NCOR1: variants seen among roughly 807,000 people sequenced by gnomAD.
The protein encoded by NCOR1 is protein phosphatase 1, regulatory subunit 109.
In NCOR1, 63 loss-of-function variants were observed where a neutral mutation model predicts 288.1. That is an observed-to-expected ratio of 0.22 (90% CI 0.18 to 0.27). The LOEUF (loss-of-function observed/expected upper bound fraction) is 0.27. Ranked by LOEUF, NCOR1 falls within the 10% of genes least tolerant of loss-of-function variation. NCOR1 has a pLI of 1.00. For missense variants in NCOR1, 2,397 were observed against 3,019.2 expected, an observed-to-expected ratio of 0.79 and a Z score of 4.83; for synonymous variants, 1,007 against 1,065.9, an observed-to-expected ratio of 0.94 and a Z score of 1.08.
chr17:16,106,870 TATATATATATATA>T (rs1434242169), intron 19 of NCOR1, among the ~76,000 whole-genome samples: 2 of 52,882 alleles, frequency 3.8e-5, no homozygotes, highest in African/African-American at 9.5e-5. Flanking sequence ...TATATATATA[TATATATATATATA>T]TTTTTTTTTT....
rs2061607471 is a variant in NCOR1 at position 16,070,364 on chromosome 17, C to T, written c.4314G>A (p.Val1438=). 6.2e-7 allele frequency: 1 copy of T among 1,614,058 alleles called. No homozygotes were observed. Residue 1438 remains valine, a synonymous_variant, in exon 31 of 46, where the codon GTG becomes GTA. Coordinates refer to ENST00000268712, the MANE Select transcript of NCOR1 (RefSeq NM_006311.4). ...GGGAACGCACGGTCTCGCCTGCTTT[C>T]ACATCCTCATATTTTCCCCGTTCTA... The part of the protein sequence containing the change: ...KVVERGKYED[V]KAGETVRSRH...
chr17:16,131,650 T>C (rs1189745819), intron 14 of NCOR1, among the ~76,000 whole-genome samples: 1 of 152,192 alleles, frequency 6.6e-6, no homozygotes. Flanking sequence ...TCTTTAAAAA[T>C]ATACTTCGGG....
chr17:16,162,035 C>T (rs1228924151), intron 5 of NCOR1, among the ~76,000 whole-genome samples: 2 of 151,818 alleles, frequency 1.3e-5, no homozygotes, highest in Non-Finnish European at 2.9e-5. Context: ...CCAGTAAAGA[C>T]TTAATTAGAA....
rs1342416395 is a variant in NCOR1 at position 16,039,575 on chromosome 17, G to C, written c.6813C>G (p.Leu2271=). 1.2e-6 allele frequency: 2 copies of C among 1,614,162 alleles called. No homozygotes were observed. Among genetic ancestry groups the C allele is most frequent in the Non-Finnish European group, 1.7e-6 (2 of 1,180,024 alleles). Residue 2271 remains leucine, a synonymous_variant, in exon 44 of 46, where the codon CTC becomes CTG. Coordinates refer to ENST00000268712, the MANE Select transcript of NCOR1 (RefSeq NM_006311.4). ...LGLEDIIRKA[L]MGSFDDKVED... Reference sequence around the variant, plus strand: ...CAACTTTGTCATCAAAGCTTCCCATGAGAGCCTTCCTGATAATGTCTTCCA... The same window carrying C: ...CAACTTTGTCATCAAAGCTTCCCATCAGAGCCTTCCTGATAATGTCTTCCA...
In NCOR1 at chr17:16,104,616, T is replaced by TA. The variant is rs1316629777; in HGVS notation, c.2183-2860dup. Among the ~76,000 whole-genome samples, 5 of 151,982 alleles carry TA rather than the reference T, an allele frequency of 3.3e-5. No homozygotes were observed. In the East Asian group the frequency reaches 5.8e-4, roughly 18 times the overall value. On this transcript the variant is annotated intron_variant, in intron 19 of 45. Coordinates refer to ENST00000268712, the MANE Select transcript of NCOR1 (RefSeq NM_006311.4). ...TAAGACCTCATCTCTACAAAAAAAT[T>TA]AAAAAATTAGCTAGTCATGGTGGCG...
At chr17:16,137,847 G>C in intron 13 of NCOR1, 1 of 281,962 alleles carries the variant, frequency 3.5e-6, no homozygotes, top group Non-Finnish European at 6.5e-6. Flanking sequence ...TCCAATTTTA[G>C]TATTATGTGC....
chr17:16,154,777 G>A (rs1011640613), intron 6 of NCOR1, among the ~76,000 whole-genome samples: 3 of 152,264 alleles, frequency 2.0e-5, no homozygotes, highest in East Asian at 1.9e-4. Flanking sequence ...TAGAAAGAAA[G>A]GACTGAAGCG....
At chr17:16,059,254 C>A (rs2060289208) in intron 37 of NCOR1, among the ~76,000 whole-genome samples, 1 of 152,012 alleles carries the variant, frequency 6.6e-6, no homozygotes, top group Admixed American at 6.6e-5. Flanking sequence ...TTCTGTGGGA[C>A]ACTCTGTTCT....
chr17:16,194,642 A>C lies in NCOR1; in HGVS notation c.-70-3T>G. On this transcript the variant is annotated splice_polypyrimidine_tract_variant and splice_region_variant and intron_variant, in intron 1 of 45. Transcript: ENST00000268712. ...CAATCATGTTTCTAGGAAACCACCT[A>C]AACAGGATGAGAAAAAAACAGAATT... 2.2e-6 allele frequency: 2 copies of C among 900,142 alleles called. No homozygotes were observed. The highest frequency in any genetic ancestry group is 3.2e-5 in the South Asian group (2 of 63,240). The allele number at this position is 900,142 out of a possible 1,614,324, so 55.8% of individuals were successfully genotyped here. A position where few individuals can be genotyped will look rare whatever the true frequency, so the allele number is the denominator to read the frequency against.
intron 17 of NCOR1, among the ~76,000 whole-genome samples, 186 bp from the exon 18 acceptor site, chr17:16,118,213 C>A (rs914120838): frequency 6.6e-6 from 1 of 152,146 alleles, no homozygotes; most frequent in South Asian, 2.1e-4. Flanking sequence ...ATTTACAGTT[C>A]TATATTTTTC....
At position 16,071,437 on chromosome 17, in the gene NCOR1, C is replaced by A; in HGVS notation, c.4124G>T (p.Arg1375Leu). ...GGAAATGGAACCCTCAATTATCGGC[C>A]GTGTGCTCTGGACCACTTCTGGAGT... ...RKTPEVVQST[R>L]PIIEGSISQG... Residue 1375 changes from arginine to leucine, a missense_variant, in exon 30 of 46, where the codon CGG (arginine) becomes CTG (leucine). Arg to Leu is a moderately radical substitution (Grantham distance 102). This residue lies in a region of NCOR1 where 1,872 missense variants were observed against 2,187.8 expected (regional missense o/e 0.86). Coordinates refer to ENST00000268712, the MANE Select transcript of NCOR1 (RefSeq NM_006311.4). 4 of 1,613,864 alleles carry A rather than the reference C, an allele frequency of 2.5e-6. No homozygotes were observed. Among genetic ancestry groups the A allele is most frequent in the Non-Finnish European group, 3.4e-6 (4 of 1,179,902 alleles).
intron 14 of NCOR1, among the ~76,000 whole-genome samples, chr17:16,135,028 G>A (rs148910904): frequency 2.4e-4 from 36 of 151,992 alleles, no homozygotes; most frequent in African/African-American, 7.2e-4. Context: ...ATGTGGTGGC[G>A]GGTGCCGGTA....
At chr17:16,175,036 A>T (rs528575360) in intron 3 of NCOR1, among the ~76,000 whole-genome samples, 30 of 135,524 alleles carry the variant, frequency 2.2e-4, no homozygotes, top group Admixed American at 4.3e-4. Flanking sequence ...ACTGTGGTAT[A>T]AAAAAAAAAA....
intron 8 of NCOR1, among the ~76,000 whole-genome samples, chr17:16,150,374 G>C (rs2153372364): frequency 6.6e-6 from 1 of 152,240 alleles, no homozygotes; most frequent in Admixed American, 6.5e-5. Flanking sequence ...AAATGACGGT[G>C]ATGAAAGAAT....
chr17:16,178,912 T>C lies in NCOR1; in HGVS notation c.243-6917A>G, dbSNP rs148356146. Among the ~76,000 whole-genome samples the C allele has an allele frequency of 4.2e-3, 639 of 152,094 alleles. 4 individuals carry two copies. The highest frequency in any genetic ancestry group is 0.014 in the African/African-American group (585 of 41,456). On this transcript the variant is annotated intron_variant, in intron 3 of 45. Transcript: ENST00000268712. ...CTGAGGTCAGGAGTTTGAGACCAGG[T>C]TGGCCAACACGGTGAGACCCTGCTT...
intron 1 of NCOR1, among the ~76,000 whole-genome samples, chr17:16,214,243 C>T (rs1411472354): frequency 6.6e-6 from 1 of 152,170 alleles, no homozygotes; most frequent in Non-Finnish European, 1.5e-5. Flanking sequence ...TTTTAAAAAG[C>T]TATTAAAAAT....
At chr17:16,111,125 C>T (rs1350799671) in intron 18 of NCOR1, among the ~76,000 whole-genome samples, 1 of 152,204 alleles carries the variant, frequency 6.6e-6, no homozygotes, top group Non-Finnish European at 1.5e-5. Flanking sequence ...TCTCTCACCA[C>T]TATCAACCCA....
At chr17:16,160,353 G>C (rs908684846) in intron 5 of NCOR1, among the ~76,000 whole-genome samples, 1 of 151,962 alleles carries the variant, frequency 6.6e-6, no homozygotes, top group Non-Finnish European at 1.5e-5. Flanking sequence ...ACCAGTGCCT[G>C]ACACCTAGTT....
At chr17:16,132,776 C>T (rs2075828170) in intron 14 of NCOR1, among the ~76,000 whole-genome samples, 1 of 148,684 alleles carries the variant, frequency 6.7e-6, no homozygotes, top group Non-Finnish European at 1.5e-5. Context: ...TAGAATCTAT[C>T]AATAGCAAAC....
Sources: gnomAD v4.1 joint callset for allele counts (sites outside exome capture counted in the v4.1 genomes callset) on GRCh38, gnomAD v4.1.1 for gene constraint, gnomAD v4.1.1 regional missense constraint, MANE v1.5 for transcripts, NCBI Gene and HGNC (gene_info 2026-07-23, HGNC 2026-07-21) for gene names.